Variants in SORCS1 observed in about 807,000 individuals in gnomAD.
The protein encoded by SORCS1 is sortilin related VPS10 domain containing receptor 1, also known as VPS10 domain-containing receptor SorCS1.
A neutral mutation model predicts 146.1 loss-of-function variants in SORCS1; 60 were observed. That is an observed-to-expected ratio of 0.41 (90% CI 0.33 to 0.51). The LOEUF is 0.51. Ranked by LOEUF, SORCS1 falls within the 20% of genes least tolerant of loss-of-function variation. The pLI is 0.21. For synonymous variants in SORCS1, 637 were observed against 584.0 expected (o/e 1.09, Z -1.31); for missense variants, 1,352 against 1,487.6 (o/e 0.91, Z 1.50).
intron 18 of SORCS1, among the ~76,000 whole-genome samples, chr10:106,632,662 A>G (rs1198171597): frequency 6.6e-6 from 1 of 152,222 alleles, no homozygotes; most frequent in Non-Finnish European, 1.5e-5. Flanking sequence ...AACAAACAAA[A>G]TAAATATGGC....
intron 5 of SORCS1, among the ~76,000 whole-genome samples, chr10:106,754,620 G>T (rs1423459631): frequency 1.3e-5 from 2 of 152,180 alleles, no homozygotes; most frequent in Non-Finnish European, 2.9e-5. Context: ...TGTTGAAAAA[G>T]ATGGGGAATG....
intron 1 of SORCS1, among the ~76,000 whole-genome samples, chr10:107,137,143 A>G (rs1027742396): frequency 2.6e-5 from 4 of 152,194 alleles, no homozygotes; most frequent in African/African-American, 7.2e-5. Flanking sequence ...TGACACAGCC[A>G]TCATTCCTCC....
At chr10:106,789,188 C>G (rs372588169) in intron 3 of SORCS1, among the ~76,000 whole-genome samples, 5 of 152,258 alleles carry the variant, frequency 3.3e-5, no homozygotes, top group African/African-American at 1.2e-4. Context: ...CTGGGCCCGG[C>G]CCACAAAACC....
At chr10:107,082,803 C>T (rs1416100403) in intron 1 of SORCS1, among the ~76,000 whole-genome samples, 1 of 151,994 alleles carries the variant, frequency 6.6e-6, no homozygotes, top group Non-Finnish European at 1.5e-5. Flanking sequence ...TTTGTTTTTA[C>T]AAATGTCCTT....
intron 2 of SORCS1, among the ~76,000 whole-genome samples, chr10:106,884,457 A>G (rs989255304): frequency 6.6e-6 from 1 of 151,996 alleles, no homozygotes; most frequent in Non-Finnish European, 1.5e-5. Context: ...AAATTTATGG[A>G]CACCATTTAG....
intron 1 of SORCS1, among the ~76,000 whole-genome samples, chr10:107,140,917 C>T (rs142405326): frequency 2.0e-5 from 3 of 152,248 alleles, no homozygotes; most frequent in Admixed American, 6.5e-5. Flanking sequence ...GACTGGTAAA[C>T]GGCAGAACCA....
chr10:107,092,314 C>T (rs1964240248), intron 1 of SORCS1, among the ~76,000 whole-genome samples: 1 of 152,222 alleles, frequency 6.6e-6, no homozygotes, highest in Non-Finnish European at 1.5e-5. Flanking sequence ...CTGACACGAG[C>T]TCTTTCTGCA....
intron 1 of SORCS1, among the ~76,000 whole-genome samples, chr10:107,089,070 C>T (rs1963976639): frequency 1.3e-5 from 2 of 152,162 alleles, no homozygotes; most frequent in African/African-American, 4.8e-5. Flanking sequence ...GGAAAATAGG[C>T]TGGATCGATC....
intron 15 of SORCS1, among the ~76,000 whole-genome samples, chr10:106,671,997 G>C (rs207471350): frequency 6.6e-6 from 1 of 152,198 alleles, no homozygotes; most frequent in Admixed American, 6.5e-5. Flanking sequence ...CCTCTGAATA[G>C]GGTGGGTGTT....
chr10:107,110,039 A>T (rs1481702804), intron 1 of SORCS1, among the ~76,000 whole-genome samples: 2 of 152,184 alleles, frequency 1.3e-5, no homozygotes, highest in Admixed American at 6.5e-5. Flanking sequence ...TTCAGTTCCC[A>T]AAAGCTCCTA....
intron 1 of SORCS1, among the ~76,000 whole-genome samples, chr10:107,009,533 T>C (rs1490504576): frequency 1.3e-5 from 2 of 152,204 alleles, no homozygotes; most frequent in Non-Finnish European, 2.9e-5. Context: ...AAAATAAGCA[T>C]AACACAGGAC....
intron 1 of SORCS1, among the ~76,000 whole-genome samples, chr10:107,078,374 T>C (rs1963057347): frequency 6.6e-6 from 1 of 152,206 alleles, no homozygotes; most frequent in Admixed American, 6.5e-5. Flanking sequence ...CAATTCAAAA[T>C]AAGATTAGAA....
At chr10:106,666,151 T>C (rs962251039) in intron 17 of SORCS1, among the ~76,000 whole-genome samples, 3 of 152,192 alleles carry the variant, frequency 2.0e-5, no homozygotes, top group African/African-American at 7.2e-5. Flanking sequence ...CTTCTATGTA[T>C]TTTTAAATGA....
At chr10:106,582,349 C>T (rs547466507) in intron 24 of SORCS1, among the ~76,000 whole-genome samples, 5 of 152,152 alleles carry the variant, frequency 3.3e-5, no homozygotes, top group South Asian at 2.1e-4. Flanking sequence ...ATCCATTCAC[C>T]CTCCCCATCT....
At chr10:106,628,285 A>C (rs1478387595) in intron 19 of SORCS1, among the ~76,000 whole-genome samples, 1 of 152,346 alleles carries the variant, frequency 6.6e-6, no homozygotes, top group Non-Finnish European at 1.5e-5. Flanking sequence ...GCTAAAAAAG[A>C]AAATGTTCTA....
intron 9 of SORCS1, among the ~76,000 whole-genome samples, chr10:106,694,329 G>A (rs185198279): frequency 6.6e-6 from 1 of 151,882 alleles, no homozygotes; most frequent in East Asian, 1.9e-4. Context: ...GCACCATCTC[G>A]GCTCACTGCA....
At chr10:107,153,356 A>G (rs904912378) in intron 1 of SORCS1, among the ~76,000 whole-genome samples, 9 of 152,188 alleles carry the variant, frequency 5.9e-5, no homozygotes, top group Non-Finnish European at 7.3e-5. Flanking sequence ...GAGCGCACAT[A>G]TTTATTATGT....
chr10:106,803,989 A>C (rs1016157889), intron 3 of SORCS1, among the ~76,000 whole-genome samples: 1 of 152,188 alleles, frequency 6.6e-6, no homozygotes, highest in African/African-American at 2.4e-5. Context: ...AAATTCCAGG[A>C]GACTATGGGG....
chr10:106,775,513 A>C (rs1860363152), intron 4 of SORCS1, among the ~76,000 whole-genome samples: 1 of 152,230 alleles, frequency 6.6e-6, no homozygotes, highest in Admixed American at 6.5e-5. Flanking sequence ...AGACCTTGGG[A>C]AGTTGCTCAT....
Sources: gnomAD v4.1 joint callset for allele counts (sites outside exome capture counted in the v4.1 genomes callset) on GRCh38, gnomAD v4.1.1 for gene constraint, MANE v1.5 for transcripts, NCBI Gene and HGNC (gene_info 2026-07-23, HGNC 2026-07-21) for gene names.